Variants in TCERG1 observed in about 807,000 individuals in gnomAD.
TCERG1 encodes the protein TATA box binding protein (TBP)-associated factor, RNA polymerase II, S, 150kD.
Under a neutral mutation model 144.7 loss-of-function variants are expected in TCERG1, and 37 were observed. The observed-to-expected ratio is 0.26, with a 90% confidence interval of 0.20 to 0.34. The LOEUF (loss-of-function observed/expected upper bound fraction) is 0.34, where lower values mean the gene tolerates loss of function less well. Ranked by LOEUF, TCERG1 falls within the 10% of genes least tolerant of loss-of-function variation. The pLI is 1.00. For missense variants in TCERG1, 1,027 were observed against 1,380.7 expected, an observed-to-expected ratio of 0.74 and a Z score of 4.06; for synonymous variants, 492 against 458.2, an observed-to-expected ratio of 1.07 and a Z score of -0.94.
chr5:146,509,366 G>GTTGGT, intron 22 of TCERG1, 121 bp downstream of exon 22: 1 of 630,286 alleles, frequency 1.6e-6, no homozygotes, highest in Non-Finnish European at 2.7e-6. Flanking sequence ...GGGATAAGAA[G>GTTGGT]ATACCAACTT....
At chr5:146,484,420 G>A (rs1765640128) in intron 15 of TCERG1, among the ~76,000 whole-genome samples, 1 of 152,118 alleles carries the variant, frequency 6.6e-6, no homozygotes, top group Admixed American at 6.5e-5. Context: ...ACTTGCTATA[G>A]TGCTGTTAAG....
intron 1 of TCERG1, among the ~76,000 whole-genome samples, chr5:146,453,964 G>A (rs1410945192): frequency 1.3e-5 from 2 of 151,076 alleles, no homozygotes; most frequent in African/African-American, 2.4e-5. Flanking sequence ...TTGGGAGGCC[G>A]AGGAGGGCAG....
At chr5:146,456,062 A>G (rs1227450394) in intron 2 of TCERG1, among the ~76,000 whole-genome samples, 1 of 152,228 alleles carries the variant, frequency 6.6e-6, no homozygotes, top group Non-Finnish European at 1.5e-5. Flanking sequence ...GACAGTGAAG[A>G]ATGAATTATA....
At chr5:146,483,133 G>A (rs1765511127) in intron 14 of TCERG1, among the ~76,000 whole-genome samples, 1 of 152,076 alleles carries the variant, frequency 6.6e-6, no homozygotes, top group South Asian at 2.1e-4. Context: ...ATTGAGAAGG[G>A]ATTTCAACTA....
intron 9 of TCERG1, among the ~76,000 whole-genome samples, chr5:146,472,576 T>C (rs1017287722): frequency 6.6e-6 from 1 of 152,166 alleles, no homozygotes; most frequent in Non-Finnish European, 1.5e-5. Flanking sequence ...CTGTTCCCCA[T>C]CTCTCTTCCT....
At chr5:146,486,980 G>C (rs10069957) in intron 15 of TCERG1, among the ~76,000 whole-genome samples, 138,895 of 152,146 alleles carry the variant, frequency 0.91, 63,462 homozygotes, top group East Asian at 1. Context: ...ATCCCAGCTA[G>C]TTAGGTGGCT....
chr5:146,509,368 TACCAA>T, intron 22 of TCERG1, 123 bp downstream of exon 22: 1 of 639,898 alleles, frequency 1.6e-6, no homozygotes, highest in Non-Finnish European at 2.6e-6. Flanking sequence ...GATAAGAAGA[TACCAA>T]CTTCTGTCCA....
At position 146,455,102 on chromosome 5, in the gene TCERG1, C is replaced by T. The variant is rs1561632775; in HGVS notation, c.106C>T (p.Pro36Ser). The T allele has an allele frequency of 6.2e-7, 1 of 1,614,260 alleles. No homozygotes were observed. The highest frequency in any genetic ancestry group is 8.5e-7 in the Non-Finnish European group (1 of 1,180,052). Residue 36 changes from proline to serine, a missense_variant, in exon 2 of 23, where the codon CCA becomes TCA. Around this residue, in one of 6 missense-constraint regions of TCERG1, gnomAD observed 175 missense variants for 197.0 expected, o/e 0.89. Coordinates refer to ENST00000679501, the MANE Select transcript of TCERG1 (RefSeq NM_001382548.1). The stretch of plus-strand genomic sequence containing the variant: ...GAGGTTCCGAGGTCCGGCTCCCCCA[C>T]CAAATGCAGTGATGCGAGGCCCACC... The part of the protein sequence containing the change: ...ALRFRGPAPP[P>S]NAVMRGPPPL...
chr5:146,495,963 GC>G (rs1766858303), intron 16 of TCERG1, among the ~76,000 whole-genome samples: 1 of 152,122 alleles, frequency 6.6e-6, no homozygotes, highest in Non-Finnish European at 1.5e-5. Context: ...GACCAGCCTG[GC>G]CAGTATGGTG....
At chr5:146,462,256 G>A (rs534238645) in intron 4 of TCERG1, among the ~76,000 whole-genome samples, 1 of 152,232 alleles carries the variant, frequency 6.6e-6, no homozygotes, top group South Asian at 2.1e-4. Context: ...GAACAAAGTT[G>A]GCATAAAGAT....
chr5:146,509,548 A>T (rs569095239), intron 22 of TCERG1, among the ~76,000 whole-genome samples: 3 of 150,692 alleles, frequency 2.0e-5, no homozygotes, highest in Non-Finnish European at 4.4e-5. Flanking sequence ...CTATATAAGA[A>T]TTGTATTTCA....
chr5:146,483,980 G>A lies in TCERG1; in HGVS notation c.2163+351G>A, dbSNP rs144959179. 6.4e-4 allele frequency among the ~76,000 whole-genome samples: 97 copies of A among 152,122 alleles called. No homozygotes were observed. The Middle Eastern group carries it at 0.01, about 16-fold the overall frequency. The stretch of plus-strand genomic sequence containing the variant: ...TAGAAAAATAGCAAAATACAGATGA[G>A]TAAAAAGGATAAAAAAGCTACTGTA... On this transcript the variant is annotated intron_variant, in intron 15 of 22. Coordinates refer to ENST00000679501, the MANE Select transcript of TCERG1 (RefSeq NM_001382548.1).
At chr5:146,497,689 T>C (rs111309791) in intron 16 of TCERG1, among the ~76,000 whole-genome samples, 3,749 of 152,326 alleles carry the variant, frequency 0.025, 70 homozygotes, top group African/African-American at 0.045. Flanking sequence ...ACCTTAATTT[T>C]AGGCTTGACT....
chr5:146,474,144 A>G (rs1581458282), intron 9 of TCERG1, among the ~76,000 whole-genome samples: 2 of 152,236 alleles, frequency 1.3e-5, no homozygotes, highest in Non-Finnish European at 2.9e-5. Flanking sequence ...TGTAGATGCC[A>G]TTAAGAACAC....
chr5:146,461,524 G>T (rs1210709753), intron 4 of TCERG1, among the ~76,000 whole-genome samples: 1 of 152,032 alleles, frequency 6.6e-6, no homozygotes, highest in Admixed American at 6.6e-5. Context: ...TATTGCTTTT[G>T]TTCTTTTCCT....
intron 15 of TCERG1, among the ~76,000 whole-genome samples, chr5:146,485,140 A>C (rs1765711404): frequency 6.6e-6 from 1 of 152,178 alleles, no homozygotes; most frequent in African/African-American, 2.4e-5. Context: ...GATTACAGCC[A>C]CACTGGCCCT....
chr5:146,456,027 G>C (rs1762805947), intron 2 of TCERG1, among the ~76,000 whole-genome samples: 1 of 152,072 alleles, frequency 6.6e-6, no homozygotes, highest in East Asian at 1.9e-4. Flanking sequence ...AAATATAGTG[G>C]TATCATCTGC....
intron 7 of TCERG1, among the ~76,000 whole-genome samples, chr5:146,470,354 A>G (rs189950891): frequency 6.2e-4 from 94 of 152,288 alleles, no homozygotes; most frequent in African/African-American, 2.2e-3. Flanking sequence ...TATCCCTTTT[A>G]GCAAAATGAA....
chr5:146,473,683 G>A lies in TCERG1; in HGVS notation c.1601+2107G>A, dbSNP rs188267099. ...AAATCCTAGGGCCCTTGAGAATGACGTTAAATCTACTCTGCTTGTGCTTTA... is the reference window on the plus strand; with the variant it reads ...AAATCCTAGGGCCCTTGAGAATGACATTAAATCTACTCTGCTTGTGCTTTA... On this transcript the variant is annotated intron_variant, in intron 9 of 22. Transcript: ENST00000679501. 1.2e-3 allele frequency among the ~76,000 whole-genome samples: 190 copies of A among 152,198 alleles called. 1 individual carries two copies. The highest frequency in any genetic ancestry group is 4.1e-3 in the African/African-American group (171 of 41,522).
Sources: allele counts gnomAD v4.1 joint callset (sites outside exome capture counted in the v4.1 genomes callset), GRCh38; gene constraint gnomAD v4.1.1; regional missense constraint gnomAD v4.1.1; transcripts MANE v1.5; gene names NCBI Gene and HGNC (gene_info 2026-07-23, HGNC 2026-07-21).